Variants in ADGRG6 observed in about 807,000 individuals in gnomAD.
The protein encoded by ADGRG6 is G-protein coupled receptor 126.
In ADGRG6, 84 loss-of-function variants were observed where a neutral mutation model predicts 142.4. The observed-to-expected ratio is 0.59, with a 90% CI of 0.49 to 0.71. The LOEUF (loss-of-function observed/expected upper bound fraction) is 0.71. Ranked by LOEUF, ADGRG6 falls within the 30% of genes least tolerant of loss-of-function variation. The pLI is 0.00. For missense variants in ADGRG6, 1,367 were observed against 1,466.6 expected (o/e 0.93, Z 1.11); for synonymous variants, 521 against 520.5 (o/e 1.00, Z -0.01).
intron 2 of ADGRG6, among the ~76,000 whole-genome samples, chr6:142,318,173 T>TTATATATTATATATTATATATTA (rs1778281042): frequency 1.1e-4 from 1 of 9,152 alleles, no homozygotes; most frequent in Non-Finnish European, 1.8e-4. Flanking sequence ...TATTATATAT[T>TTATATATTATATATTATATATTA]TATATATTAT....
In ADGRG6 at chr6:142,441,073, C is replaced by T. The variant is rs556887796; in HGVS notation, c.3575-2264C>T. 1.1e-5 allele frequency: 6 copies of T among 561,798 alleles called. No individual in the cohort carries two copies. In the South Asian group the frequency reaches 1.5e-4, roughly 14 times the overall value. The allele number at this position is 561,798 out of a possible 1,614,324, so 34.8% of individuals were successfully genotyped here. A position where few individuals can be genotyped will look rare whatever the true frequency, so the allele number is the denominator to read the frequency against. ...AAAATGGCTTGTTCTTTTCAGCTAG[C>T]ACAATGACATTCCTGCATTGAGCTG... On this transcript the variant is annotated intron_variant, in intron 24 of 24. Transcript: ENST00000367609.
intron 4 of ADGRG6, among the ~76,000 whole-genome samples, chr6:142,375,364 T>A (rs9376689): frequency 0.11 from 16,011 of 152,228 alleles, 970 homozygotes; most frequent in East Asian, 0.25. Flanking sequence ...CCATTCCAAG[T>A]TGACGTTAAA....
intron 22 of ADGRG6, among the ~76,000 whole-genome samples, chr6:142,421,249 G>T (rs931759210): frequency 1.3e-5 from 2 of 152,184 alleles, no homozygotes; most frequent in Non-Finnish European, 1.5e-5. Flanking sequence ...GCTAGATGGA[G>T]AAAGAGGCTT....
At chr6:142,439,963 C>T (rs1466959990) in intron 24 of ADGRG6, among the ~76,000 whole-genome samples, 3 of 152,030 alleles carry the variant, frequency 2.0e-5, no homozygotes, top group Non-Finnish European at 4.4e-5. Flanking sequence ...CTCATTTTGC[C>T]TCCCCTTCTA....
At position 142,383,748 on chromosome 6, in the gene ADGRG6, C is replaced by G. The variant is rs755885367; in HGVS notation, c.1139-12C>G. 13 of 1,385,646 alleles carry G rather than the reference C, an allele frequency of 9.4e-6. No homozygotes were observed. The highest frequency in any genetic ancestry group is 1.3e-5 in the Non-Finnish European group (13 of 977,614). 85.8% of individuals were successfully genotyped at this position (1,385,646 alleles called of 1,614,324 possible). ...CTTTGCAAAATTACATCTTTCTCAT[C>G]TTTATTACCAGCTACTGTAAACTCT... On this transcript the variant is annotated splice_polypyrimidine_tract_variant and intron_variant, in intron 5 of 24. Transcript: ENST00000367609.
intron 4 of ADGRG6, 179 bp downstream of exon 4, chr6:142,370,972 G>A (rs1223751421): frequency 4.8e-6 from 3 of 621,476 alleles, no homozygotes; most frequent in Non-Finnish European, 8.2e-6. Flanking sequence ...CGTCTGCTCA[G>A]CTCTTATAGC....
chr6:142,367,162 T>C (rs979346297), intron 2 of ADGRG6, among the ~76,000 whole-genome samples: 2 of 152,108 alleles, frequency 1.3e-5, no homozygotes, highest in African/African-American at 4.8e-5. Context: ...GCCACCCCAG[T>C]TCAGTTACCC....
rs1583007987 is a variant in ADGRG6 at position 142,341,431 on chromosome 6, T to TATTATATA, written c.104-26136_104-26135insTATATAAT. 4.2e-5 allele frequency among the ~76,000 whole-genome samples: 5 copies of TATTATATA among 119,436 alleles called. No individual in the cohort carries two copies. The East Asian group carries it at 1.0e-3, about 25-fold the overall frequency. The allele number at this position is 119,436 out of a possible 152,430, so 78.4% of individuals were successfully genotyped here. A position where few individuals can be genotyped will look rare whatever the true frequency, so the allele number is the denominator to read the frequency against. On this transcript the variant is annotated intron_variant, in intron 2 of 24. Coordinates refer to ENST00000367609, the MANE Select transcript of ADGRG6 (RefSeq NM_198569.3). Reference sequence around the variant, plus strand: ...TATTATATAATATAATTATATAATATATATAATTATATATATAGTATATAT... The same window carrying TATTATATA: ...TATTATATAATATAATTATATAATATATTATATAATATAATTATATATATAGTATATAT...
chr6:142,434,750 T>C (rs370478312), intron 22 of ADGRG6, among the ~76,000 whole-genome samples: 1 of 152,158 alleles, frequency 6.6e-6, no homozygotes, highest in East Asian at 1.9e-4. Flanking sequence ...TAGGAATTTA[T>C]AGACAGCACC....
chr6:142,413,279 A>C (rs1776183607), intron 18 of ADGRG6, among the ~76,000 whole-genome samples: 1 of 151,972 alleles, frequency 6.6e-6, no homozygotes, highest in Non-Finnish European at 1.5e-5. Context: ...TGACACATTC[A>C]CCAGTTCACC....
chr6:142,384,830 A>C (rs540798916), intron 6 of ADGRG6, among the ~76,000 whole-genome samples: 6 of 152,240 alleles, frequency 3.9e-5, no homozygotes, highest in African/African-American at 1.4e-4. Flanking sequence ...TTAAATTGGA[A>C]CTATGGAATA....
At chr6:142,335,614 G>A (rs866130122) in intron 2 of ADGRG6, among the ~76,000 whole-genome samples, 3 of 152,214 alleles carry the variant, frequency 2.0e-5, no homozygotes, top group South Asian at 2.1e-4. Flanking sequence ...GAGGTCAGGA[G>A]TTGAGATCCC....
At chr6:142,304,339 TTGTAG>T (rs776490299) in intron 1 of ADGRG6, among the ~76,000 whole-genome samples, 6 of 152,132 alleles carry the variant, frequency 3.9e-5, no homozygotes, top group Non-Finnish European at 8.8e-5. Context: ...TATTTGGGAG[TTGTAG>T]TGACTGCATA....
chr6:142,317,901 A>ATATATATTATATATATT (rs1778205996), intron 2 of ADGRG6, among the ~76,000 whole-genome samples: 1 of 37,056 alleles, frequency 2.7e-5, no homozygotes, highest in Non-Finnish European at 4.3e-5. Context: ...TTATATATTT[A>ATATATATTATATATATT]TATATATTAT....
intron 2 of ADGRG6, among the ~76,000 whole-genome samples, chr6:142,333,166 A>G (rs1217753246): frequency 6.6e-6 from 1 of 152,158 alleles, no homozygotes; most frequent in Non-Finnish European, 1.5e-5. Flanking sequence ...AGACAGTATT[A>G]AATTATTTTC....
chr6:142,382,066 C>T (rs1357243402), intron 5 of ADGRG6, 47 bp downstream of exon 5: 11 of 1,137,118 alleles, frequency 9.7e-6, no homozygotes, highest in Non-Finnish European at 3.9e-6. Flanking sequence ...TTTCTACTTG[C>T]AATTTTGGGT....
At chr6:142,391,575 AG>A (rs935323021) in intron 7 of ADGRG6, among the ~76,000 whole-genome samples, 15 of 151,842 alleles carry the variant, frequency 9.9e-5, no homozygotes, top group Admixed American at 2.0e-4. Flanking sequence ...AGGTAACAAT[AG>A]TAGGTAATTA....
intron 9 of ADGRG6, among the ~76,000 whole-genome samples, chr6:142,394,397 A>T (rs929864115): frequency 6.6e-6 from 1 of 152,164 alleles, no homozygotes; most frequent in Non-Finnish European, 1.5e-5. Context: ...TTTAATATTT[A>T]TATCAGGATC....
At chr6:142,437,961 C>A (rs1197705498) in intron 23 of ADGRG6, 1 of 275,692 alleles carries the variant, frequency 3.6e-6, no homozygotes, top group Non-Finnish European at 6.5e-6. Flanking sequence ...CTTTGTTTTT[C>A]TTTTTACTGT....
Sources: allele counts gnomAD v4.1 joint callset (sites outside exome capture counted in the v4.1 genomes callset), GRCh38; gene constraint gnomAD v4.1.1; transcripts MANE v1.5; gene names NCBI Gene and HGNC (gene_info 2026-07-23, HGNC 2026-07-21).